Variants in TOP2B observed in about 807,000 individuals in gnomAD.
TOP2B encodes the protein DNA topoisomerase 2-beta.
In TOP2B, 51 loss-of-function variants were observed where a neutral mutation model predicts 193.5. The observed-to-expected ratio is 0.26, with a 90% CI of 0.21 to 0.33. The LOEUF (loss-of-function observed/expected upper bound fraction) is 0.33, where lower values mean the gene tolerates loss of function less well. TOP2B is among the 10% of genes least tolerant of loss of function. The pLI is 1.00. For missense variants in TOP2B, 1,378 were observed against 1,909.3 expected (o/e 0.72, Z 5.19); for synonymous variants, 634 against 635.7 (o/e 1.00, Z 0.04).
At chr3:25,600,650 T>TA (rs1702067962) in intron 34 of TOP2B, among the ~76,000 whole-genome samples, 1 of 152,222 alleles carries the variant, frequency 6.6e-6, no homozygotes, top group South Asian at 2.1e-4. Flanking sequence ...ATTCTGGAGT[T>TA]AAAGAGGGGA....
chr3:25,663,183 A>C lies in TOP2B; in HGVS notation c.69+1046T>G, dbSNP rs565398256. On this transcript the variant is annotated intron_variant, in intron 1 of 35. Transcript: ENST00000264331. ...TGTCAGTAGCACCCTTTTTATAAGA[A>C]GCAGTTGTCAATATAGCACAAATTG... is the stretch of plus-strand genomic sequence containing the variant. Among the ~76,000 whole-genome samples the C allele has an allele frequency of 2.8e-4, 42 of 152,214 alleles. 1 individual carries two copies. Among genetic ancestry groups the C allele is most frequent in the Non-Finnish European group, 5.4e-4 (37 of 68,026 alleles).
At position 25,599,678 on chromosome 3, in the gene TOP2B, T is replaced by G. The variant is rs1008622697; in HGVS notation, c.4616-149A>C. The stretch of plus-strand genomic sequence containing the variant: ...TTACTATGAGTGATTATAAACAATT[T>G]GGCAGTAGCATTTCAATTCTGGGGT... On this transcript the variant is annotated intron_variant, in intron 34 of 35. Coordinates refer to ENST00000264331, the MANE Select transcript of TOP2B (RefSeq NM_001330700.2). 5.7e-6 allele frequency: 4 copies of G among 702,930 alleles called. No homozygotes were observed. The African/African-American group carries it at 7.2e-5, about 13-fold the overall frequency. The allele number at this position is 702,930 out of a possible 1,614,324, so 43.5% of individuals were successfully genotyped here.
intron 1 of TOP2B, among the ~76,000 whole-genome samples, chr3:25,659,313 G>A (rs1054652112): frequency 3.3e-5 from 5 of 152,002 alleles, no homozygotes; most frequent in Admixed American, 2.0e-4. Context: ...CTAAACAAAG[G>A]GGCAAGGAAG....
intron 1 of TOP2B, among the ~76,000 whole-genome samples, chr3:25,655,949 C>T (rs535716963): frequency 5.9e-5 from 9 of 152,086 alleles, no homozygotes; most frequent in Non-Finnish European, 1.2e-4. Flanking sequence ...AGATCTGTTG[C>T]TTAACAATGT....
At chr3:25,621,763 C>T (rs977183331) in intron 21 of TOP2B, among the ~76,000 whole-genome samples, 14 of 151,968 alleles carry the variant, frequency 9.2e-5, no homozygotes, top group African/African-American at 2.9e-4. Flanking sequence ...CCAAAGCAGG[C>T]GGATCACTTG....
At chr3:25,624,650 A>G (rs1559498706) in intron 19 of TOP2B, 32 bp downstream of exon 19, 1 of 1,607,590 alleles carries the variant, frequency 6.2e-7, no homozygotes, top group Non-Finnish European at 8.5e-7. Context: ...CAATAATTAC[A>G]GTTCTCAATT....
Position 25,642,401 on chromosome 3 carries a change from C to T in TOP2B, c.332-16G>A, listed in dbSNP as rs1249661505. 2 of 1,501,834 alleles carry T rather than the reference C, an allele frequency of 1.3e-6. No individual in the cohort carries two copies. Among genetic ancestry groups the T allele is most frequent in the South Asian group, 2.5e-5 (2 of 81,480 alleles). The allele number at this position is 1,501,834 out of a possible 1,614,324, so 93.0% of individuals were successfully genotyped here. A position where few individuals can be genotyped will look rare whatever the true frequency, so the allele number is the denominator to read the frequency against. On this transcript the variant is annotated splice_polypyrimidine_tract_variant and intron_variant, in intron 3 of 35. Coordinates refer to ENST00000264331, the MANE Select transcript of TOP2B (RefSeq NM_001330700.2). ...GCAGCATTAACTACAAAATTAAACA[C>T]CTCAATGAGTAATATACAAAATTAT...
chr3:25,632,984 G>A (rs1378807768), intron 8 of TOP2B, among the ~76,000 whole-genome samples, 190 bp from the exon 9 acceptor site: 2 of 151,888 alleles, frequency 1.3e-5, no homozygotes, highest in Non-Finnish European at 2.9e-5. Context: ...TTGTTTGTTT[G>A]TTTGTTTGCT....
At chr3:25,637,150 C>G (rs1184775244) in intron 6 of TOP2B, 65 bp downstream of exon 6, 1 of 1,260,888 alleles carries the variant, frequency 7.9e-7, no homozygotes. Context: ...ACCCAAGGTT[C>G]TACTATCTCG....
intron 4 of TOP2B, among the ~76,000 whole-genome samples, chr3:25,640,748 TTG>T (rs2125391328): frequency 6.7e-6 from 1 of 148,814 alleles, no homozygotes; most frequent in African/African-American, 2.5e-5. Context: ...CACTTCTTCG[TTG>T]TCTTTTTTTT....
chr3:25,603,215 A>AT (rs771817502), intron 33 of TOP2B, among the ~76,000 whole-genome samples: 2 of 152,054 alleles, frequency 1.3e-5, no homozygotes, highest in Non-Finnish European at 2.9e-5. Context: ...TATGAAGATT[A>AT]TTTTTTAAAG....
At position 25,624,271 on chromosome 3, in the gene TOP2B, A is replaced by G. The variant is rs753873268; in HGVS notation, c.2495+26T>C. On this transcript the variant is annotated intron_variant, in intron 20 of 35. Coordinates refer to ENST00000264331, the MANE Select transcript of TOP2B (RefSeq NM_001330700.2). ...TTGGTTCCAAATCAAATCAAACTTT[A>G]TACCATTATATCAGCAAATATTTAC... is the stretch of plus-strand genomic sequence containing the variant. 5.5e-5 allele frequency: 89 copies of G among 1,611,766 alleles called. No individual in the cohort carries two copies. In the Admixed American group the frequency reaches 1.5e-3, roughly 27 times the overall value.
intron 28 of TOP2B, 103 bp from the exon 29 acceptor site, chr3:25,609,815 T>C (rs986418503): frequency 4.2e-6 from 5 of 1,184,336 alleles, no homozygotes; most frequent in Non-Finnish European, 5.6e-6. Context: ...CAGGTAAATT[T>C]AAAAACAGTG....
intron 1 of TOP2B, among the ~76,000 whole-genome samples, chr3:25,663,133 A>G (rs543176121): frequency 8.5e-5 from 13 of 152,358 alleles, no homozygotes; most frequent in Non-Finnish European, 1.5e-5. Flanking sequence ...GCACGCAAAC[A>G]TAAGTGATTA....
rs1301865383 is a variant in TOP2B, at chr3:25,636,043, T to C, written c.745A>G (p.Met249Val). Residue 249 changes from methionine (M) to valine (V), a missense_variant, in exon 7 of 36, where the codon ATG becomes GTG. Met to Val is a conservative substitution (Grantham distance 21). Around this residue, in one of 9 missense-constraint regions of TOP2B, gnomAD observed 222 missense variants for 306.6 expected, o/e 0.72. Transcript: ENST00000264331. ...TFQPDLSKFK[M>V]EKLDKDIVAL... ...ACAATATCCTTGTCAAGTTTTTCCA[T>C]CTTAAATTTGGACAGATCTGGTTGG... is the stretch of plus-strand genomic sequence containing the variant. The C allele has an allele frequency of 3.1e-6, 5 of 1,613,500 alleles. No homozygotes were observed. The highest frequency in any genetic ancestry group is 1.1e-5 in the South Asian group (1 of 91,066).
rs563610545 is a variant in TOP2B at position 25,608,207 on chromosome 3, C to T, written c.4094-832G>A. Among the ~76,000 whole-genome samples, 118 of 152,162 alleles carry T rather than the reference C, an allele frequency of 7.8e-4. 1 individual carries two copies. The South Asian group carries it at 0.022, about 28-fold the overall frequency. On this transcript the variant is annotated intron_variant, in intron 30 of 35. Coordinates refer to ENST00000264331, the MANE Select transcript of TOP2B (RefSeq NM_001330700.2). ...GAAAAAAGACAGGAGACATAAAGAC[C>T]TCAATATATTCACAAAACAATAATA...
intron 26 of TOP2B, 44 bp from the exon 27 acceptor site, chr3:25,615,332 C>CATAT: frequency 6.4e-7 from 1 of 1,574,798 alleles, no homozygotes; most frequent in South Asian, 1.2e-5. Flanking sequence ...AGTTTTAAAA[C>CATAT]ATATGAAGGA....
intron 6 of TOP2B, among the ~76,000 whole-genome samples, chr3:25,636,421 G>A (rs1439249689): frequency 6.6e-6 from 1 of 152,000 alleles, no homozygotes; most frequent in Admixed American, 6.6e-5. Flanking sequence ...CAGCATAACT[G>A]TTCACATGGC....
At chr3:25,615,609 T>C (rs1384151827) in intron 25 of TOP2B, 23 bp from the exon 26 acceptor site, 9 of 1,497,332 alleles carry the variant, frequency 6.0e-6, no homozygotes, top group Non-Finnish European at 7.1e-6. Flanking sequence ...ACAAACTGTA[T>C]ATTAAAGTCT....
Sources: gnomAD v4.1 joint callset for allele counts (sites outside exome capture counted in the v4.1 genomes callset) on GRCh38, gnomAD v4.1.1 for gene constraint, gnomAD v4.1.1 regional missense constraint, MANE v1.5 for transcripts, NCBI Gene and HGNC (gene_info 2026-07-23, HGNC 2026-07-21) for gene names.